Variants in KIAA1328 observed in about 807,000 individuals in gnomAD.
KIAA1328 encodes the protein protein hinderin.
KIAA1328 carries 52 observed loss-of-function variants against 68.1 expected under a neutral mutation model. The ratio of observed to expected loss-of-function variants is 0.76; its 90% CI spans 0.61 to 0.96. KIAA1328 has a LOEUF of 0.96. Ranked by LOEUF, KIAA1328 falls within the 40% of genes least tolerant of loss-of-function variation. KIAA1328 has a pLI of 0.00. For missense variants in KIAA1328, 641 were observed against 677.6 expected (o/e 0.95, Z 0.60); for synonymous variants, 232 against 239.4 (o/e 0.97, Z 0.28).
intron 9 of KIAA1328, among the ~76,000 whole-genome samples, chr18:37,195,222 A>G (rs1164738471): frequency 1.3e-5 from 2 of 152,174 alleles, no homozygotes; most frequent in African/African-American, 4.8e-5. Flanking sequence ...GCAATTTTGT[A>G]TCAATTAATA....
At chr18:36,930,786 A>G (rs1003233184) in intron 5 of KIAA1328, among the ~76,000 whole-genome samples, 1 of 151,954 alleles carries the variant, frequency 6.6e-6, no homozygotes, top group Non-Finnish European at 1.5e-5. Context: ...CTGTCTTTTG[A>G]TTAAATTAGA....
chr18:36,905,312 G>A (rs1175286760), intron 5 of KIAA1328, among the ~76,000 whole-genome samples: 5 of 151,758 alleles, frequency 3.3e-5, no homozygotes, highest in Non-Finnish European at 2.9e-5. Context: ...GAGTTTCATC[G>A]TGTTGGCCAG....
At chr18:37,204,769 A>G (rs533601258) in intron 9 of KIAA1328, among the ~76,000 whole-genome samples, 2 of 151,882 alleles carry the variant, frequency 1.3e-5, no homozygotes, top group East Asian at 1.9e-4. Flanking sequence ...AGTCAAAAAA[A>G]AAAAAAAAAA....
chr18:37,029,081 T>G (rs1484662337), intron 6 of KIAA1328, among the ~76,000 whole-genome samples: 1 of 152,162 alleles, frequency 6.6e-6, no homozygotes, highest in Non-Finnish European at 1.5e-5. Context: ...TGGAATAGTT[T>G]CAGTAGGATT....
intron 6 of KIAA1328, among the ~76,000 whole-genome samples, chr18:37,048,140 C>T (rs1047929426): frequency 5.3e-5 from 8 of 152,102 alleles, no homozygotes; most frequent in African/African-American, 1.4e-4. Context: ...TAGAGCAGCA[C>T]TCAAATAAGC....
intron 6 of KIAA1328, among the ~76,000 whole-genome samples, chr18:37,053,681 T>C (rs1430392664): frequency 6.6e-6 from 1 of 152,106 alleles, no homozygotes; most frequent in Non-Finnish European, 1.5e-5. Context: ...AAACTTACAA[T>C]CATGGTGGGA....
intron 7 of KIAA1328, among the ~76,000 whole-genome samples, chr18:37,111,727 G>A (rs572261462): frequency 4.0e-4 from 61 of 152,238 alleles, no homozygotes; most frequent in South Asian, 3.9e-3. Flanking sequence ...GTGGGGCATC[G>A]CCTCACCTGG....
chr18:36,875,776 C>T (rs1183639754), intron 4 of KIAA1328, among the ~76,000 whole-genome samples: 2 of 152,136 alleles, frequency 1.3e-5, no homozygotes, highest in Non-Finnish European at 2.9e-5. Flanking sequence ...CCAGCTTTTC[C>T]CCAATCAGTA....
At chr18:36,862,121 C>A (rs1479486120) in intron 4 of KIAA1328, among the ~76,000 whole-genome samples, 1 of 122,982 alleles carries the variant, frequency 8.1e-6, no homozygotes, top group Admixed American at 7.7e-5. Flanking sequence ...TACCTTTTAC[C>A]CAGTTTTTAA....
chr18:37,175,193 T>C (rs2059576319), intron 9 of KIAA1328, among the ~76,000 whole-genome samples: 1 of 152,208 alleles, frequency 6.6e-6, no homozygotes, highest in South Asian at 2.1e-4. Flanking sequence ...TTAGTGAATT[T>C]TCCTATTGTT....
chr18:37,047,305 G>T (rs2055513652), intron 6 of KIAA1328, among the ~76,000 whole-genome samples: 1 of 151,978 alleles, frequency 6.6e-6, no homozygotes, highest in Admixed American at 6.6e-5. Flanking sequence ...ATTCCTTTGG[G>T]TACTGAGATA....
At chr18:36,910,212 A>G (rs1051302454) in intron 5 of KIAA1328, among the ~76,000 whole-genome samples, 1 of 152,020 alleles carries the variant, frequency 6.6e-6, no homozygotes, top group African/African-American at 2.4e-5. Context: ...TATGTCCTGA[A>G]TGGTATTGCC....
intron 4 of KIAA1328, among the ~76,000 whole-genome samples, chr18:36,845,118 T>A (rs1458061986): frequency 6.6e-6 from 1 of 151,712 alleles, no homozygotes; most frequent in Non-Finnish European, 1.5e-5. Flanking sequence ...CATACAATCA[T>A]GGGTATCAAA....
intron 6 of KIAA1328, among the ~76,000 whole-genome samples, chr18:37,024,996 A>G (rs1419021502): frequency 3.3e-5 from 5 of 152,144 alleles, no homozygotes; most frequent in African/African-American, 1.2e-4. Flanking sequence ...TCCCAGCAAC[A>G]GTGTAAAAGT....
intron 4 of KIAA1328, among the ~76,000 whole-genome samples, chr18:36,880,218 C>T (rs930636913): frequency 1.3e-5 from 2 of 152,152 alleles, no homozygotes; most frequent in Non-Finnish European, 2.9e-5. Context: ...AAGCATAGTA[C>T]CTGGGTCAGA....
Position 37,187,378 on chromosome 18 carries a change from C to T in KIAA1328, c.1523+14297C>T, listed in dbSNP as rs373121461. 1.1e-4 allele frequency among the ~76,000 whole-genome samples: 16 copies of T among 152,156 alleles called. No homozygotes were observed. The East Asian group carries it at 1.9e-3, about 18-fold the overall frequency. On this transcript the variant is annotated intron_variant, in intron 9 of 9. Coordinates refer to ENST00000280020, the MANE Select transcript of KIAA1328 (RefSeq NM_020776.3). ...GGGACCCTGCATCAAGCTCTTCTCA[C>T]CACATGGGCTACTTGAAACCCAGAG...
chr18:37,226,767 G>A (rs1262055884), downstream of KIAA1328, among the ~76,000 whole-genome samples: 7 of 119,290 alleles, frequency 5.9e-5, no homozygotes, highest in Admixed American at 8.9e-5. Flanking sequence ...GAAGATCCAT[G>A]CAAAACATTT....
chr18:36,964,498 G>A (rs760364888), intron 6 of KIAA1328, among the ~76,000 whole-genome samples: 17 of 152,098 alleles, frequency 1.1e-4, no homozygotes, highest in Non-Finnish European at 1.8e-4. Flanking sequence ...TAAATCCACA[G>A]TTCTCCAGAA....
At chr18:36,912,382 A>G (rs551649015) in intron 5 of KIAA1328, among the ~76,000 whole-genome samples, 11 of 152,218 alleles carry the variant, frequency 7.2e-5, no homozygotes, top group African/African-American at 2.4e-4. Context: ...TCACTTCAAC[A>G]TCTAACATCA....
Sources: gnomAD v4.1 joint callset for allele counts (sites outside exome capture counted in the v4.1 genomes callset) on GRCh38, gnomAD v4.1.1 for gene constraint, MANE v1.5 for transcripts, NCBI Gene and HGNC (gene_info 2026-07-23, HGNC 2026-07-21) for gene names.